The following ADGRB3 variants were observed in gnomAD, a reference collection of about 807,000 sequenced individuals.
ADGRB3 encodes the protein brain-specific angiogenesis inhibitor 3.
In ADGRB3, 37 loss-of-function variants were observed where a neutral mutation model predicts 193.4. The ratio of observed to expected loss-of-function variants is 0.19; its 90% CI spans 0.15 to 0.25. ADGRB3 has a LOEUF of 0.25. ADGRB3 is among the 10% of genes least tolerant of loss of function. The pLI, the probability that ADGRB3 is intolerant of heterozygous loss-of-function variation, is 1.00. For synonymous variants in ADGRB3, 690 were observed against 644.2 expected (o/e 1.07, Z -1.08); for missense variants, 1,637 against 1,852.9 (o/e 0.88, Z 2.14).
intron 20 of ADGRB3, among the ~76,000 whole-genome samples, chr6:69,287,798 C>T (rs1042194580): frequency 3.9e-5 from 6 of 152,134 alleles, no homozygotes; most frequent in Admixed American, 1.3e-4. Context: ...AAGTGACTTA[C>T]GTAAATTACC....
At chr6:68,835,468 T>G (rs1425914196) in intron 3 of ADGRB3, among the ~76,000 whole-genome samples, 1 of 152,140 alleles carries the variant, frequency 6.6e-6, no homozygotes, top group African/African-American at 2.4e-5. Context: ...TAGAAAAAAA[T>G]TTATCCTAAA....
At chr6:69,021,676 C>A (rs1054954139) in intron 13 of ADGRB3, among the ~76,000 whole-genome samples, 4 of 151,742 alleles carry the variant, frequency 2.6e-5, no homozygotes, top group Non-Finnish European at 5.9e-5. Context: ...AAAGCATGGC[C>A]TTAATTCATC....
intron 20 of ADGRB3, among the ~76,000 whole-genome samples, chr6:69,272,091 T>C (rs1172625895): frequency 2.6e-5 from 4 of 152,136 alleles, no homozygotes; most frequent in African/African-American, 9.7e-5. Context: ...AGAGCAAACA[T>C]GCAGATTCAC....
At chr6:69,296,110 G>A (rs1767810432) in intron 20 of ADGRB3, among the ~76,000 whole-genome samples, 1 of 152,072 alleles carries the variant, frequency 6.6e-6, no homozygotes, top group South Asian at 2.1e-4. Context: ...ACAATAAATT[G>A]TGTTTTACCA....
At chr6:69,007,190 A>G (rs1769784958) in intron 11 of ADGRB3, among the ~76,000 whole-genome samples, 1 of 152,100 alleles carries the variant, frequency 6.6e-6, no homozygotes, top group South Asian at 2.1e-4. Context: ...TTCTCCTCCC[A>G]TGCAATCTGT....
chr6:68,977,976 G>T (rs1193489614), intron 10 of ADGRB3, among the ~76,000 whole-genome samples: 2 of 151,376 alleles, frequency 1.3e-5, no homozygotes, highest in Non-Finnish European at 3.0e-5. Context: ...ATACTCTATT[G>T]CTGGGAGCAG....
chr6:69,343,119 T>TAATACAC (rs1561993362), intron 26 of ADGRB3, among the ~76,000 whole-genome samples: 1 of 151,150 alleles, frequency 6.6e-6, no homozygotes. Context: ...TAATGTGTTG[T>TAATACAC]GTATGGAGCC....
chr6:68,645,048 A>G (rs1005718032), intron 3 of ADGRB3, among the ~76,000 whole-genome samples: 1 of 152,108 alleles, frequency 6.6e-6, no homozygotes, highest in African/African-American at 2.4e-5. Flanking sequence ...GATTTTTTCC[A>G]TATATCTAAT....
At chr6:68,885,306 G>A (rs1039955060) in intron 3 of ADGRB3, among the ~76,000 whole-genome samples, 5 of 152,118 alleles carry the variant, frequency 3.3e-5, no homozygotes, top group Admixed American at 1.3e-4. Context: ...ATTACAAAGA[G>A]TATGGAATGC....
intron 3 of ADGRB3, among the ~76,000 whole-genome samples, chr6:68,838,314 G>A (rs1403923): frequency 0.14 from 21,341 of 152,192 alleles, 1,931 homozygotes; most frequent in Middle Eastern, 0.32. Context: ...TCCTCCCTTT[G>A]TAGCTCATTT....
intron 3 of ADGRB3, among the ~76,000 whole-genome samples, chr6:68,696,773 T>G (rs1206349142): frequency 6.6e-6 from 1 of 152,038 alleles, no homozygotes; most frequent in African/African-American, 2.4e-5. Flanking sequence ...AACCATTTAT[T>G]TTTATATTAC....
intron 3 of ADGRB3, among the ~76,000 whole-genome samples, chr6:68,762,390 A>G (rs1274682386): frequency 1.3e-5 from 2 of 152,162 alleles, no homozygotes; most frequent in Admixed American, 1.3e-4. Flanking sequence ...TTGATTGACT[A>G]AGAGCTAAAT....
At chr6:68,744,988 A>G (rs557369690) in intron 3 of ADGRB3, among the ~76,000 whole-genome samples, 1 of 152,194 alleles carries the variant, frequency 6.6e-6, no homozygotes, top group Non-Finnish European at 1.5e-5. Context: ...CTCAAATACA[A>G]TAAAAAAGAT....
rs1328404954 is a variant in ADGRB3, at chr6:68,774,350, C to T, written c.757+134918C>T. On this transcript the variant is annotated intron_variant, in intron 3 of 31. Transcript: ENST00000370598. ...CTAATGTCTTTTTAGGCAGATAATA[C>T]TGAATCTTCCACTATGCCTATTTTT... Among the ~76,000 whole-genome samples, 13 of 148,572 alleles carry T rather than the reference C, an allele frequency of 8.7e-5. No homozygotes were observed. The Admixed American group carries it at 8.8e-4, about 10-fold the overall frequency.
At chr6:69,329,422 A>C (rs1659049405) in intron 22 of ADGRB3, among the ~76,000 whole-genome samples, 1 of 152,206 alleles carries the variant, frequency 6.6e-6, no homozygotes, top group Non-Finnish European at 1.5e-5. Flanking sequence ...TTGTGTACAT[A>C]TATAATTACC....
chr6:68,862,437 G>A (rs1437618736), intron 3 of ADGRB3, among the ~76,000 whole-genome samples: 1 of 152,110 alleles, frequency 6.6e-6, no homozygotes, highest in African/African-American at 2.4e-5. Context: ...CAGTTCAGGA[G>A]GAAGTGCTTA....
At chr6:69,085,222 G>A (rs1456368836) in intron 17 of ADGRB3, among the ~76,000 whole-genome samples, 4 of 152,050 alleles carry the variant, frequency 2.6e-5, no homozygotes, top group East Asian at 1.9e-4. Context: ...CATTGAAGTC[G>A]GTTTTGAAAG....
chr6:69,067,118 A>G (rs1273642742), intron 16 of ADGRB3, among the ~76,000 whole-genome samples: 1 of 152,118 alleles, frequency 6.6e-6, no homozygotes, highest in East Asian at 1.9e-4. Context: ...AAATGGAAAG[A>G]TAGAGTGGAC....
rs372749007 is a variant in ADGRB3, at chr6:69,366,120, A to G, written c.4239+4608A>G. Among the ~76,000 whole-genome samples the G allele has an allele frequency of 1.2e-4, 18 of 151,930 alleles. No individual in the cohort carries two copies. In the East Asian group the frequency reaches 2.7e-3, roughly 23 times the overall value. On this transcript the variant is annotated intron_variant, in intron 29 of 31. Coordinates refer to ENST00000370598, the MANE Select transcript of ADGRB3 (RefSeq NM_001704.3). ...GCAGAAACAACTTTTTCTTTTTTACATTTTTTTCTCTTTTACATTTTTTTT... is the reference window on the plus strand; with the variant it reads ...GCAGAAACAACTTTTTCTTTTTTACGTTTTTTTCTCTTTTACATTTTTTTT...
Sources: allele counts gnomAD v4.1 joint callset (sites outside exome capture counted in the v4.1 genomes callset), GRCh38; gene constraint gnomAD v4.1.1; transcripts MANE v1.5; gene names NCBI Gene and HGNC (gene_info 2026-07-23, HGNC 2026-07-21).